The following TMED1 variants were observed in gnomAD, a reference collection of about 807,000 sequenced individuals.
TMED1 encodes transmembrane p24 trafficking protein 1.
A neutral mutation model predicts 21.2 loss-of-function variants in TMED1; 20 were observed. That is an observed-to-expected ratio of 0.95 (90% CI 0.67 to 1.37). The LOEUF is 1.37. Ranked by LOEUF, TMED1 falls within the 40% of genes most tolerant of loss-of-function variation. TMED1 has a pLI of 0.00. For synonymous variants in TMED1, 149 were observed against 134.7 expected, an observed-to-expected ratio of 1.11 and a Z score of -0.74; for missense variants, 316 against 309.8, an observed-to-expected ratio of 1.02 and a Z score of -0.15.
Position 10,836,195 on chromosome 19 carries a change from G to T in TMED1, c.-4C>A, listed in dbSNP as rs751616372. On this transcript the variant is annotated 5_prime_UTR_variant, in exon 1 of 4. Coordinates refer to ENST00000214869, the MANE Select transcript of TMED1 (RefSeq NM_006858.4). ...GGGCCGCGCCGGCCGCCATCATCCG[G>T]GTCACCCTCTGGTCTGCAAAGGGGT... The T allele has an allele frequency of 1.9e-6, 3 of 1,548,250 alleles. No homozygotes were observed. The highest frequency in any genetic ancestry group is 2.6e-6 in the Non-Finnish European group (3 of 1,150,192).
Position 10,832,949 on chromosome 19 carries a change from A to G in TMED1, c.*46T>C. 6.3e-7 allele frequency: 1 copy of G among 1,597,628 alleles called. No individual in the cohort carries two copies. Among genetic ancestry groups the G allele is most frequent in the Non-Finnish European group, 8.5e-7 (1 of 1,175,112 alleles). On this transcript the variant is annotated 3_prime_UTR_variant, in exon 4 of 4. Coordinates refer to ENST00000214869, the MANE Select transcript of TMED1 (RefSeq NM_006858.4). ...GGACCCCCAAGTCTCATATGCACAC[A>G]CCCTGCTGCCCCTCCTTTGTCCCGT...
intron 3 of TMED1, 198 bp from the exon 4 acceptor site, chr19:10,833,411 C>T: frequency 1.7e-6 from 1 of 597,214 alleles, no homozygotes; most frequent in Non-Finnish European, 3.0e-6. Flanking sequence ...ATTAACCTAT[C>T]TGAGCCTGTT....
Position 10,835,084 on chromosome 19 carries a change from C to T in TMED1, c.315G>A (p.Leu105=), listed in dbSNP as rs1247852002. The T allele has an allele frequency of 6.2e-6, 10 of 1,614,090 alleles. No individual in the cohort carries two copies. Among genetic ancestry groups the T allele is most frequent in the Non-Finnish European group, 7.6e-6 (9 of 1,180,026 alleles). The change falls in exon 3 of 4, where the codon CTG becomes CTA. Residue 105 remains leucine, a synonymous_variant. Transcript: ENST00000214869. ...TGGTGCTGAAGGAGTTGTCAAAGCA[C>T]AGCTTGTAGTCCCCGGCCTCCGTTG... ...VEPTEAGDYK[L]CFDNSFSTIS...
At chr19:10,835,847 C>A (rs2146227315) in intron 1 of TMED1, 162 bp downstream of exon 1, 1 of 980,272 alleles carries the variant, frequency 1.0e-6, no homozygotes, top group Non-Finnish European at 1.2e-6. Context: ...CTTCCGCTCC[C>A]ACACACCGTC....
rs1254723141 is a variant in TMED1, at chr19:10,836,114, GGGCCCC to G, written c.72_77del (p.Gly25_Pro26del). 3 of 1,576,090 alleles carry G rather than the reference GGGCCCC, an allele frequency of 1.9e-6. No homozygotes were observed. The highest frequency in any genetic ancestry group is 1.7e-6 in the Non-Finnish European group (2 of 1,163,068). The stretch of plus-strand genomic sequence containing the variant: ...TGAACTCACCGTCCTGGATTGGCGG[GGGCCCC>G]GCCCCTCCCACCTCCACTGGTGGCA... On this transcript the variant is annotated inframe_deletion, in exon 1 of 4. Transcript: ENST00000214869.
In TMED1 at chr19:10,835,154, C is replaced by T. The variant is rs2073411749; in HGVS notation, c.282-37G>A. On this transcript the variant is annotated intron_variant, in intron 2 of 3. Coordinates refer to ENST00000214869, the MANE Select transcript of TMED1 (RefSeq NM_006858.4). ...GACACACAGACATGACCCAGGGTGGCCAGCCAGCCGACTCAGCGGGGCAGT... is the reference window on the plus strand; with the variant it reads ...GACACACAGACATGACCCAGGGTGGTCAGCCAGCCGACTCAGCGGGGCAGT... The T allele has an allele frequency of 1.9e-6, 3 of 1,609,632 alleles. No individual in the cohort carries two copies. The South Asian group carries it at 3.3e-5, about 18-fold the overall frequency.
At chr19:10,833,494 G>T in intron 3 of TMED1, 1 of 487,184 alleles carries the variant, frequency 2.1e-6, no homozygotes, top group Non-Finnish European at 3.7e-6. Context: ...GAGCATGGTG[G>T]CTCATGCCTA....
chr19:10,835,679 A>C (rs2073419850), intron 1 of TMED1: 1 of 1,398,392 alleles, frequency 7.2e-7, no homozygotes, highest in Admixed American at 3.0e-5. Flanking sequence ...CCCCCGAGAA[A>C]GGCCTGTGTG....
Position 10,835,317 on chromosome 19 carries a change from G to C in TMED1, c.220C>G (p.Leu74Val). 2.5e-6 allele frequency: 4 copies of C among 1,613,886 alleles called. No homozygotes were observed. Among genetic ancestry groups the C allele is most frequent in the Non-Finnish European group, 3.4e-6 (4 of 1,179,932 alleles). ...AACAGCACGCCCTGAGGGCTCTCCA[G>C]CGTGAAGTCCACGTCCAGTCCAGCA... The part of the protein sequence containing the change: ...GGAGLDVDFT[L>V]ESPQGVLLVS... Residue 74 changes from leucine (L) to valine (V), a missense_variant, in exon 2 of 4, where the codon CTG becomes GTG. Coordinates refer to ENST00000214869, the MANE Select transcript of TMED1 (RefSeq NM_006858.4).
At chr19:10,835,976 ACT>A (rs745656090) in intron 1 of TMED1, 31 bp downstream of exon 1, 11 of 1,542,202 alleles carry the variant, frequency 7.1e-6, no homozygotes, top group East Asian at 2.5e-5. Flanking sequence ...CCTCTCCCTG[ACT>A]CTGCTGGCCG....
At chr19:10,835,482 C>CA in intron 1 of TMED1, 129 bp from the exon 2 acceptor site, 1 of 1,483,960 alleles carries the variant, frequency 6.7e-7, no homozygotes, top group Non-Finnish European at 9.0e-7. Context: ...GGCACACCCA[C>CA]ACCCGCCCCA....
chr19:10,834,728 G>A (rs560572027), intron 3 of TMED1: 14 of 506,204 alleles, frequency 2.8e-5, no homozygotes, highest in South Asian at 2.0e-4. Flanking sequence ...TGATCCACCC[G>A]CCTCAGCCTC....
chr19:10,835,617 G>T (rs2073419203), intron 1 of TMED1: 2 of 1,409,624 alleles, frequency 1.4e-6, no homozygotes, highest in Admixed American at 5.8e-5. Context: ...CCACGCCCCT[G>T]GTTGGCTCCG....
chr19:10,836,010 T>C lies in TMED1; in HGVS notation c.182A>G (p.Gln61Arg), dbSNP rs773805483. Residue 61 changes from glutamine (Q) to arginine (R), a missense_variant and splice_region_variant, in exon 1 of 4, where the codon CAG becomes CGG. Transcript: ENST00000214869. ...GCCGCCCAGCCCGCGACCCTCTACC[T>C]GGTATTCGGTCTCGAGGCTTGCGTT... The part of the protein sequence containing the change: ...PANASLETEY[Q>R]VIGGAGLDVD... 5 of 1,590,268 alleles carry C rather than the reference T, an allele frequency of 3.1e-6. No homozygotes were observed. In the East Asian group the frequency reaches 9.2e-5, roughly 29 times the overall value.
At position 10,833,165 on chromosome 19, in the gene TMED1, G is replaced by A; in HGVS notation, c.514C>T (p.Leu172Phe). ...GCCTCGAAGGCCCGCAGTAGCGTGA[G>A]CATCTGGATGCTGCGCTCCAGCCGG... The part of the protein sequence containing the change: ...RTRLERSIQM[L>F]TLLRAFEARD... The change falls in exon 4 of 4, where the codon CTC becomes TTC. Residue 172 changes from leucine to phenylalanine, a missense_variant. Transcript: ENST00000214869. The A allele has an allele frequency of 1.2e-6, 2 of 1,613,860 alleles. No homozygotes were observed. The highest frequency in any genetic ancestry group is 1.7e-6 in the Non-Finnish European group (2 of 1,180,048).
chr19:10,835,429 C>T, intron 1 of TMED1, 76 bp from the exon 2 acceptor site: 1 of 1,586,920 alleles, frequency 6.3e-7, no homozygotes, highest in South Asian at 1.1e-5. Flanking sequence ...ACGGCTGAAC[C>T]AACACTGATC....
chr19:10,835,126 AC>A lies in TMED1; in HGVS notation c.282-10del. The A allele has an allele frequency of 6.2e-7, 1 of 1,611,556 alleles. No individual in the cohort carries two copies. Among genetic ancestry groups the A allele is most frequent in the Non-Finnish European group, 8.5e-7 (1 of 1,178,248 alleles). ...CCTCCGTTGGCTCCACCCTGGGCAG[AC>A]AGACACACAGACATGACCCAGGGTG... On this transcript the variant is annotated splice_polypyrimidine_tract_variant and intron_variant, in intron 2 of 3. Coordinates refer to ENST00000214869, the MANE Select transcript of TMED1 (RefSeq NM_006858.4).
In TMED1 at chr19:10,833,155, A is replaced by G. The variant is rs762451136; in HGVS notation, c.524T>C (p.Leu175Pro). 2 of 1,613,922 alleles carry G rather than the reference A, an allele frequency of 1.2e-6. No homozygotes were observed. The highest frequency in any genetic ancestry group is 1.7e-6 in the Non-Finnish European group (2 of 1,180,042). Reference sequence around the variant, plus strand: ...GCGGTCACGTGCCTCGAAGGCCCGCAGTAGCGTGAGCATCTGGATGCTGCG... The same window carrying G: ...GCGGTCACGTGCCTCGAAGGCCCGCGGTAGCGTGAGCATCTGGATGCTGCG... Reference protein sequence around the residue: ...LERSIQMLTLLRAFEARDRNL... With the variant: ...LERSIQMLTLPRAFEARDRNL... Residue 175 changes from leucine (L) to proline (P), a missense_variant, in exon 4 of 4, where the codon CTG becomes CCG. By Grantham distance (98) the Leu-to-Pro change is moderately conservative. Coordinates refer to ENST00000214869, the MANE Select transcript of TMED1 (RefSeq NM_006858.4).
rs2073374461 is a variant in TMED1, at chr19:10,832,816, C to A, written c.*179G>T. 2 of 681,116 alleles carry A rather than the reference C, an allele frequency of 2.9e-6. No individual in the cohort carries two copies. Among genetic ancestry groups the A allele is most frequent in the Non-Finnish European group, 4.9e-6 (2 of 407,800 alleles). The allele number at this position is 681,116 out of a possible 1,614,324, so 42.2% of individuals were successfully genotyped here. A position where few individuals can be genotyped will look rare whatever the true frequency, so the allele number is the denominator to read the frequency against. On this transcript the variant is annotated 3_prime_UTR_variant, in exon 4 of 4. Coordinates refer to ENST00000214869, the MANE Select transcript of TMED1 (RefSeq NM_006858.4). ...TGCAGCCACTGAGCCGTCCCTTCTA[C>A]AAGCCAGAGGTGTTCCCTGCCCGCT...
Sources: gnomAD v4.1 joint callset for allele counts on GRCh38, gnomAD v4.1.1 for gene constraint, MANE v1.5 for transcripts, NCBI Gene and HGNC (gene_info 2026-07-23, HGNC 2026-07-21) for gene names.